Variants in ECHDC2 observed in about 807,000 individuals in gnomAD.
ECHDC2 encodes the protein enoyl-CoA hydratase domain-containing protein 2, mitochondrial.
ECHDC2 carries 34 observed loss-of-function variants against 40.6 expected under a neutral mutation model. The ratio of observed to expected loss-of-function variants is 0.84; its 90% CI spans 0.64 to 1.11. The LOEUF (loss-of-function observed/expected upper bound fraction) is 1.11. ECHDC2 is among the 50% of genes most tolerant of loss of function. ECHDC2 has a pLI of 0.00. For missense variants in ECHDC2, 392 were observed against 400.7 expected, an observed-to-expected ratio of 0.98 and a Z score of 0.19; for synonymous variants, 162 against 166.6, an observed-to-expected ratio of 0.97 and a Z score of 0.21.
chr1:52,898,826 G>A, intron 8 of ECHDC2: 1 of 391,148 alleles, frequency 2.6e-6, no homozygotes, highest in South Asian at 2.2e-5. Context: ...CTGCCCTGAG[G>A]CCACATTACT....
At chr1:52,897,204 G>A (rs1259365793) in intron 9 of ECHDC2, 8 of 569,244 alleles carry the variant, frequency 1.4e-5, no homozygotes, top group East Asian at 2.8e-5. Context: ...TGTGATTCTC[G>A]GCATTAAGTG....
At chr1:52,905,262 G>T (rs1647484340) in intron 5 of ECHDC2, 172 bp from the exon 6 acceptor site, 4 of 651,462 alleles carry the variant, frequency 6.1e-6, no homozygotes, top group Non-Finnish European at 1.1e-5. Flanking sequence ...TAGCCCAGAA[G>T]TCAGGAGCCC....
chr1:52,898,988 CAAT>C, intron 8 of ECHDC2, 183 bp downstream of exon 8: 1 of 690,644 alleles, frequency 1.4e-6, no homozygotes, highest in Non-Finnish European at 2.6e-6. Flanking sequence ...AGAATGTAAA[CAAT>C]AATACTGTCT....
rs147716612 is a variant in ECHDC2, at chr1:52,919,590, G to A, written c.121+1963C>T. On this transcript the variant is annotated intron_variant, in intron 1 of 9. Coordinates refer to ENST00000371522, the MANE Select transcript of ECHDC2 (RefSeq NM_001198961.2). ...GTTGTTAAGCAACACATGACTCTATGAGAAATAAAGCCGCTAAGAACAGTG... is the reference window on the plus strand; with the variant it reads ...GTTGTTAAGCAACACATGACTCTATAAGAAATAAAGCCGCTAAGAACAGTG... Among the ~76,000 whole-genome samples the A allele has an allele frequency of 5.5e-3, 832 of 152,274 alleles. 3 individuals carry two copies. Among genetic ancestry groups the A allele is most frequent in the Non-Finnish European group, 7.5e-3 (508 of 68,028 alleles).
chr1:52,920,338 C>T (rs766583690), intron 1 of ECHDC2: 4 of 650,860 alleles, frequency 6.1e-6, no homozygotes, highest in Admixed American at 2.5e-5. Flanking sequence ...GGCAAAGCCC[C>T]GCTTCAAACT....
rs1417994594 is a variant in ECHDC2 at position 52,911,590 on chromosome 1, C to T, written c.253G>A (p.Gly85Arg). ...RQVRVLLFRS[G>R]VKGVFCAGAD... ...CCTGCACAGAACACGCCCTTCACTC[C>T]ACTTCTGAAGAGCAGGACACGCACT... Residue 85 changes from glycine to arginine, a missense_variant, in exon 3 of 10, where the codon GGA becomes AGA. Coordinates refer to ENST00000371522, the MANE Select transcript of ECHDC2 (RefSeq NM_001198961.2). The T allele has an allele frequency of 6.2e-7, 1 of 1,613,984 alleles. No homozygotes were observed. Among genetic ancestry groups the T allele is most frequent in the South Asian group, 1.1e-5 (1 of 91,058 alleles).
intron 1 of ECHDC2, among the ~76,000 whole-genome samples, chr1:52,920,181 A>G (rs545112344): frequency 3.3e-5 from 5 of 152,276 alleles, no homozygotes; most frequent in South Asian, 4.1e-4. Context: ...GATTGGGGGT[A>G]TAAGGTTCAG....
chr1:52,905,179 T>G, intron 5 of ECHDC2, 89 bp from the exon 6 acceptor site: 1 of 1,440,758 alleles, frequency 6.9e-7, no homozygotes, highest in Non-Finnish European at 9.6e-7. Flanking sequence ...TGCTGTCTAC[T>G]CGCCCCTCTA....
At position 52,896,217 on chromosome 1, in the gene ECHDC2, CAA is replaced by C. The variant is rs1646629765; in HGVS notation, c.*301_*302del. ...GTCAGGGGCTGAGAGCCAATGATAC[CAA>C]GACTCAGAGAGATCTAATTTAATTC... is the stretch of plus-strand genomic sequence containing the variant. On this transcript the variant is annotated 3_prime_UTR_variant, in exon 10 of 10. Coordinates refer to ENST00000371522, the MANE Select transcript of ECHDC2 (RefSeq NM_001198961.2). 6.0e-6 allele frequency: 2 copies of C among 332,648 alleles called. No homozygotes were observed. Among genetic ancestry groups the C allele is most frequent in the Non-Finnish European group, 1.2e-5 (2 of 171,460 alleles). The allele number at this position is 332,648 out of a possible 1,614,324, so 20.6% of individuals were successfully genotyped here.
chr1:52,916,144 G>A (rs575821556), intron 1 of ECHDC2, among the ~76,000 whole-genome samples: 92 of 152,334 alleles, frequency 6.0e-4, no homozygotes, highest in African/African-American at 2.2e-3. Context: ...CTGCTAAGTT[G>A]TGCCTTGACT....
At chr1:52,905,298 T>C (rs1647496974) in intron 5 of ECHDC2, 2 of 589,152 alleles carry the variant, frequency 3.4e-6, no homozygotes, top group Admixed American at 3.0e-5. Context: ...CATGCCCCTT[T>C]GATGGAGTTG....
At chr1:52,920,008 G>T (rs1279589060) in intron 1 of ECHDC2, among the ~76,000 whole-genome samples, 1 of 152,200 alleles carries the variant, frequency 6.6e-6, no homozygotes, top group Non-Finnish European at 1.5e-5. Flanking sequence ...TGAATTACTA[G>T]AAGAGCCAGT....
Position 52,905,055 on chromosome 1 carries a change from G to C in ECHDC2, c.493C>G (p.Arg165Gly), listed in dbSNP as rs768176933. 1.2e-6 allele frequency: 2 copies of C among 1,614,162 alleles called. No individual in the cohort carries two copies. Among genetic ancestry groups the C allele is most frequent in the Non-Finnish European group, 1.7e-6 (2 of 1,180,024 alleles). Residue 165 changes from arginine (R) to glycine (G), a missense_variant, in exon 6 of 10, where the codon CGA becomes GGA. By Grantham distance (125) the Arg-to-Gly change is moderately radical (BLOSUM62 -2). Transcript: ENST00000371522. ...TTACCTGCCCCCGGGAGGAGCCCTC[G>C]CGTGGTCTCAATCAGTCCCATGACT... ...SAVMGLIETT[R>G]GLLPGAGGTQ...
intron 3 of ECHDC2, among the ~76,000 whole-genome samples, chr1:52,910,741 T>G (rs1467959304): frequency 1.3e-5 from 2 of 152,088 alleles, no homozygotes; most frequent in Non-Finnish European, 2.9e-5. Context: ...GTCAGCAAGG[T>G]CCAAGAAGGC....
chr1:52,905,393 G>A (rs961466266), intron 5 of ECHDC2: 5 of 468,564 alleles, frequency 1.1e-5, no homozygotes, highest in East Asian at 3.5e-5. Flanking sequence ...TCAGAGAGCC[G>A]CTAAGGATCA....
intron 1 of ECHDC2, chr1:52,921,295 T>C: frequency 1.4e-6 from 1 of 730,340 alleles, no homozygotes; most frequent in Non-Finnish European, 1.9e-6. Flanking sequence ...CCGCTCCCCC[T>C]TCCACACAGT....
rs932617715 is a variant in ECHDC2 at position 52,914,918 on chromosome 1, G to A, written c.122-3128C>T. Among the ~76,000 whole-genome samples the A allele has an allele frequency of 6.6e-6, 1 of 151,934 alleles. No individual in the cohort carries two copies. The highest frequency in any genetic ancestry group is 2.4e-5 in the African/African-American group (1 of 41,314). On this transcript the variant is annotated intron_variant, in intron 1 of 9. Transcript: ENST00000371522. This position sits in a 1 kb window ranked among gnomAD's most constrained non-coding sequence, Gnocchi z 4.0. ...GCTCCCTCCCAGCACACACACATTC[G>A]TTCCCACATTTGGGTCACAGTCATC...
At chr1:52,916,988 C>T (rs1650817109) in intron 1 of ECHDC2, among the ~76,000 whole-genome samples, 2 of 152,146 alleles carry the variant, frequency 1.3e-5, no homozygotes, top group Non-Finnish European at 2.9e-5. Flanking sequence ...CTTTGGGAGG[C>T]CGAGGCGGGT....
intron 3 of ECHDC2, among the ~76,000 whole-genome samples, chr1:52,908,496 G>A (rs933104111): frequency 2.6e-5 from 4 of 151,670 alleles, no homozygotes; most frequent in Non-Finnish European, 5.9e-5. Context: ...GCAAGACTCC[G>A]TTTCAAAGAA....
Sources: gnomAD v4.1 joint callset for allele counts (sites outside exome capture counted in the v4.1 genomes callset) on GRCh38, gnomAD v4.1.1 for gene constraint, Gnocchi (gnomAD v3.1) non-coding constraint, MANE v1.5 for transcripts, NCBI Gene and HGNC (gene_info 2026-07-23, HGNC 2026-07-21) for gene names.